The following DGKE variants were observed in gnomAD, a reference collection of about 807,000 sequenced individuals.
DGKE encodes the protein DAG kinase epsilon.
A neutral mutation model predicts 70.0 loss-of-function variants in DGKE; 53 were observed. The observed-to-expected ratio is 0.76, with a 90% CI of 0.61 to 0.95. The LOEUF is 0.95. Ranked by LOEUF, DGKE falls within the 40% of genes least tolerant of loss-of-function variation. The probability of loss-of-function intolerance (pLI) is 0.00; values close to 1 mark genes in which losing one functional copy is unlikely to be tolerated. For synonymous variants in DGKE, 291 were observed against 257.0 expected (o/e 1.13, Z -1.27); for missense variants, 655 against 706.9 (o/e 0.93, Z 0.83).
At chr17:56,848,122 A>ATATG (rs1567815796) in intron 5 of DGKE, 57 bp downstream of exon 5, 1 of 909,674 alleles carries the variant, frequency 1.1e-6, no homozygotes, top group Non-Finnish European at 1.4e-6. Context: ...TACTATACAT[A>ATATG]TATATATATA....
Position 56,856,611 on chromosome 17 carries a change from AG to A in DGKE, c.1199del (p.Arg400LysfsTer17), listed in dbSNP as rs1337040203. On this transcript the variant is annotated frameshift_variant, in exon 8 of 12. Coordinates refer to ENST00000284061, the MANE Select transcript of DGKE (RefSeq NM_003647.3). LOFTEE classifies it high-confidence loss of function. ...REKAPSLFSS[R>X]ILNKAVYLFY... ...GAAGGCACCATCTCTGTTTTCTAGC[AG>A]AATTCTTAATAAGGTGTGTTGGATA... The A allele has an allele frequency of 6.2e-7, 1 of 1,613,516 alleles. No homozygotes were observed. The highest frequency in any genetic ancestry group is 1.1e-5 in the South Asian group (1 of 90,876).
chr17:56,848,763 C>G lies in DGKE; in HGVS notation c.956C>G (p.Thr319Arg). Reference protein sequence around the residue: ...PLGTGNDLSNTLGWGTGYAGE... With the variant: ...PLGTGNDLSNRLGWGTGYAGE... ...GGAACAGGCAACGATCTATCCAATA[C>G]ATTGGGTTGGGGTACAGGTTATGCT... The change falls in exon 6 of 12, where the codon ACA becomes AGA. Residue 319 changes from threonine (T) to arginine (R), a missense_variant. Coordinates refer to ENST00000284061, the MANE Select transcript of DGKE (RefSeq NM_003647.3). The G allele has an allele frequency of 6.2e-7, 1 of 1,614,172 alleles. No individual in the cohort carries two copies. Among genetic ancestry groups the G allele is most frequent in the Non-Finnish European group, 8.5e-7 (1 of 1,180,010 alleles).
rs1490733626 is a variant in DGKE at position 56,868,063 on chromosome 17, G to A, written c.*5272G>A. On this transcript the variant is annotated 3_prime_UTR_variant, in exon 12 of 12. Coordinates refer to ENST00000284061, the MANE Select transcript of DGKE (RefSeq NM_003647.3). ...AACAGGAAATAAGCTGTAATCTAGA[G>A]AATTTCCATTATGTGTTACTTTTTG... The A allele has an allele frequency of 2.0e-5, 3 of 152,250 alleles. No individual in the cohort carries two copies. The highest frequency in any genetic ancestry group is 4.4e-5 in the Non-Finnish European group (3 of 68,040). 9.4% of individuals were successfully genotyped at this position (152,250 alleles called of 1,614,324 possible). A position where few individuals can be genotyped will look rare whatever the true frequency, so the allele number is the denominator to read the frequency against.
intron 3 of DGKE, 137 bp from the exon 4 acceptor site, chr17:56,845,553 T>C: frequency 1.1e-6 from 1 of 891,234 alleles, no homozygotes; most frequent in Non-Finnish European, 1.6e-6. Context: ...TAGAATTCTT[T>C]GATTTTTATA....
At chr17:56,841,242 ACT>A (rs961501413) in intron 2 of DGKE, among the ~76,000 whole-genome samples, 2 of 100,328 alleles carry the variant, frequency 2.0e-5, no homozygotes, top group African/African-American at 7.4e-5. Context: ...ACAGAGTGAT[ACT>A]CTGTCTCAAA....
Position 56,863,577 on chromosome 17 carries a change from T to A in DGKE, c.*786T>A, listed in dbSNP as rs1908412790. 2 of 152,206 alleles carry A rather than the reference T, an allele frequency of 1.3e-5. No individual in the cohort carries two copies. Among genetic ancestry groups the A allele is most frequent in the African/African-American group, 4.8e-5 (2 of 41,452 alleles). 9.4% of individuals were successfully genotyped at this position (152,206 alleles called of 1,614,324 possible). ...AACTGTTTATCAGCCGCTCTTTTTA[T>A]TAAAAGACAGTGTCAACACTTCAAA... On this transcript the variant is annotated 3_prime_UTR_variant, in exon 12 of 12. Transcript: ENST00000284061.
At chr17:56,837,471 A>G (rs144644728) in intron 2 of DGKE, among the ~76,000 whole-genome samples, 57 of 152,334 alleles carry the variant, frequency 3.7e-4, no homozygotes, top group Middle Eastern at 3.4e-3. Context: ...CCCTTACCCC[A>G]TGATAGAAAT....
At chr17:56,849,744 T>G (rs781546187) in intron 7 of DGKE, among the ~76,000 whole-genome samples, 2 of 152,182 alleles carry the variant, frequency 1.3e-5, no homozygotes, top group Non-Finnish European at 2.9e-5. Context: ...AGATTTCTGG[T>G]TTTTATAACT....
chr17:56,849,333 G>A (rs1305906243), intron 7 of DGKE, 101 bp downstream of exon 7: 5 of 1,067,378 alleles, frequency 4.7e-6, no homozygotes, highest in Non-Finnish European at 6.9e-6. Flanking sequence ...TCTCAAGGGA[G>A]CTGGCTGTGG....
At chr17:56,855,432 G>A (rs542319542) in intron 7 of DGKE, among the ~76,000 whole-genome samples, 8 of 152,222 alleles carry the variant, frequency 5.3e-5, no homozygotes, top group Non-Finnish European at 8.8e-5. Flanking sequence ...CATACCTGAG[G>A]ATCTCACTTT....
At chr17:56,836,831 T>C (rs1256870194) in intron 2 of DGKE, among the ~76,000 whole-genome samples, 2 of 152,234 alleles carry the variant, frequency 1.3e-5, no homozygotes, top group Non-Finnish European at 2.9e-5. Flanking sequence ...AAGCTTCTTG[T>C]AATTTCCTTA....
In DGKE at chr17:56,859,626, G is replaced by A. The variant is rs573264605; in HGVS notation, c.1284+961G>A. On this transcript the variant is annotated intron_variant, in intron 9 of 11. Transcript: ENST00000284061. ...AGTAGAGACGGGGTTTCACGTGTTA[G>A]CCAGGATGGTCTCGATCTCCTGACC... Among the ~76,000 whole-genome samples, 50 of 152,078 alleles carry A rather than the reference G, an allele frequency of 3.3e-4. 2 individuals are homozygous for A. In the South Asian group the frequency reaches 6.6e-3, roughly 20 times the overall value.
At chr17:56,856,428 C>A in intron 7 of DGKE, 84 bp from the exon 8 acceptor site, 1 of 1,413,632 alleles carries the variant, frequency 7.1e-7, no homozygotes, top group Non-Finnish European at 9.5e-7. Flanking sequence ...GTCAAAAGAA[C>A]ACAAAGACTA....
At chr17:56,862,057 C>A (rs778572547) in intron 10 of DGKE, 83 bp from the exon 11 acceptor site, 1 of 1,551,536 alleles carries the variant, frequency 6.4e-7, no homozygotes, top group Non-Finnish European at 8.8e-7. Flanking sequence ...GTTGATGGTC[C>A]AACTGTGTTA....
Position 56,863,554 on chromosome 17 carries a change from C to T in DGKE, c.*763C>T, listed in dbSNP as rs1345840116. The T allele has an allele frequency of 6.6e-6, 1 of 152,162 alleles. No homozygotes were observed. The highest frequency in any genetic ancestry group is 1.9e-4 in the East Asian group (1 of 5,194). 9.4% of individuals were successfully genotyped at this position (152,162 alleles called of 1,614,324 possible). On this transcript the variant is annotated 3_prime_UTR_variant, in exon 12 of 12. Coordinates refer to ENST00000284061, the MANE Select transcript of DGKE (RefSeq NM_003647.3). ...TGTAAGTTATAGGTTCTGAGCTGAA[C>T]TGTTTATCAGCCGCTCTTTTTATTA...
chr17:56,842,943 T>TA (rs1338036251), intron 2 of DGKE, among the ~76,000 whole-genome samples: 2 of 152,224 alleles, frequency 1.3e-5, no homozygotes, highest in Non-Finnish European at 1.5e-5. Context: ...CACATGTTCT[T>TA]ACGTCTATTT....
At chr17:56,842,396 A>T (rs1403053913) in intron 2 of DGKE, among the ~76,000 whole-genome samples, 2 of 152,220 alleles carry the variant, frequency 1.3e-5, no homozygotes, top group Non-Finnish European at 2.9e-5. Flanking sequence ...TTCTTCCCAG[A>T]GGAAACCATT....
Position 56,835,073 on chromosome 17 carries a change from G to A in DGKE, c.278G>A (p.Arg93His). The change falls in exon 2 of 12, where the codon CGC becomes CAC. Residue 93 changes from arginine to histidine, a missense_variant. Transcript: ENST00000284061. ...GCCTTCTGCGACTGCTGCGGGCTCC[G>A]CGTGGACGAGGGCTGCCTCAGGAAG... ...QGAFCDCCGL[R>H]VDEGCLRKAD... The A allele has an allele frequency of 1.2e-6, 2 of 1,613,414 alleles. No homozygotes were observed. The highest frequency in any genetic ancestry group is 2.2e-5 in the South Asian group (2 of 91,086).
intron 5 of DGKE, among the ~76,000 whole-genome samples, 157 bp from the exon 6 acceptor site, chr17:56,848,539 G>C (rs1376132502): frequency 7.9e-5 from 12 of 152,148 alleles, no homozygotes; most frequent in Non-Finnish European, 1.8e-4. Flanking sequence ...TTAAAAATGA[G>C]ATGTTTTGAT....
Sources: gnomAD v4.1 joint callset for allele counts (sites outside exome capture counted in the v4.1 genomes callset) on GRCh38, gnomAD v4.1.1 for gene constraint, MANE v1.5 for transcripts, NCBI Gene and HGNC (gene_info 2026-07-23, HGNC 2026-07-21) for gene names.